Variants in UBN2 observed in about 807,000 individuals in gnomAD.
UBN2 encodes the protein ubinuclein-2.
UBN2 carries 35 observed loss-of-function variants against 120.2 expected under a neutral mutation model. That is an observed-to-expected ratio of 0.29 (90% CI 0.22 to 0.39). The LOEUF is 0.39. Ranked by LOEUF, UBN2 falls within the 10% of genes least tolerant of loss-of-function variation. UBN2 has a pLI of 1.00. For synonymous variants in UBN2, 661 were observed against 648.7 expected (o/e 1.02, Z -0.29); for missense variants, 1,693 against 1,663.2 (o/e 1.02, Z -0.31).
chr7:139,287,480 A>G (rs1422189290), intron 15 of UBN2, among the ~76,000 whole-genome samples: 1 of 151,982 alleles, frequency 6.6e-6, no homozygotes, highest in Admixed American at 6.6e-5. Context: ...GTTCCCAGAG[A>G]TCTTCCTGTA....
At position 139,301,208 on chromosome 7, in the gene UBN2, GT is replaced by G. The variant is rs1321125395; in HGVS notation, c.*3373del. ...CCGGGCACATATGTGTTGGAATACT[GT>G]GGGTTTGACACCTGGTTGAAAACAA... On this transcript the variant is annotated 3_prime_UTR_variant, in exon 18 of 18. Coordinates refer to ENST00000473989, the MANE Select transcript of UBN2 (RefSeq NM_173569.4). 6.6e-6 allele frequency: 1 copy of G among 152,134 alleles called. No individual in the cohort carries two copies. Among genetic ancestry groups the G allele is most frequent in the East Asian group, 1.9e-4 (1 of 5,196 alleles). 9.4% of individuals were successfully genotyped at this position (152,134 alleles called of 1,614,324 possible). A position where few individuals can be genotyped will look rare whatever the true frequency, so the allele number is the denominator to read the frequency against.
At chr7:139,250,093 A>G (rs906733698) in intron 2 of UBN2, among the ~76,000 whole-genome samples, 4 of 152,094 alleles carry the variant, frequency 2.6e-5, no homozygotes, top group Non-Finnish European at 4.4e-5. Context: ...TAGAAAATTT[A>G]AGATGGGTAC....
chr7:139,268,706 C>T (rs930777666), intron 7 of UBN2, among the ~76,000 whole-genome samples: 2 of 152,174 alleles, frequency 1.3e-5, no homozygotes, highest in African/African-American at 4.8e-5. Context: ...TGGCCTTGAC[C>T]TGCCGGGCAA....
chr7:139,231,917 A>G lies in UBN2; in HGVS notation c.433A>G (p.Ser145Gly). 4 of 1,586,786 alleles carry G rather than the reference A, an allele frequency of 2.5e-6. No homozygotes were observed. Among genetic ancestry groups the G allele is most frequent in the East Asian group, 2.4e-5 (1 of 42,252 alleles). The change falls in exon 1 of 18, where the codon AGT becomes GGT. Residue 145 changes from serine (S) to glycine (G), a missense_variant. By Grantham distance (56) the Ser-to-Gly change is moderately conservative. This residue lies in a region of UBN2 where 663 missense variants were observed against 591.2 expected (regional missense o/e 1.12). Transcript: ENST00000473989. ...DPTDESCVEF[S>G]YPELLLCGEQ... ...CACCGACGAGAGCTGCGTGGAGTTC[A>G]GTTACCCGGAGCTGCTGCTGTGCGG...
intron 3 of UBN2, among the ~76,000 whole-genome samples, chr7:139,255,509 T>G (rs1313526187): frequency 2.0e-5 from 3 of 152,234 alleles, no homozygotes; most frequent in African/African-American, 7.2e-5. Flanking sequence ...TACGAATTGC[T>G]TAGTCATACA....
chr7:139,327,043 T>G, the UBN2 span, among the ~76,000 whole-genome samples: 1 of 152,146 alleles, frequency 6.6e-6, no homozygotes, highest in Non-Finnish European at 1.5e-5. Context: ...TATTTGTTTA[T>G]TTTTTTTGAG....
the UBN2 span, among the ~76,000 whole-genome samples, chr7:139,323,190 A>G: frequency 1.3e-5 from 2 of 152,194 alleles, no homozygotes; most frequent in Non-Finnish European, 2.9e-5. Context: ...GCAGTGGTTC[A>G]TACCTGTAAT....
Position 139,271,262 on chromosome 7 carries a change from A to T in UBN2, c.1597-1060A>T, listed in dbSNP as rs1797266503. Among the ~76,000 whole-genome samples the T allele has an allele frequency of 2.0e-5, 3 of 152,198 alleles. No individual in the cohort carries two copies. The South Asian group carries it at 6.2e-4, about 31-fold the overall frequency. ...TGCTTATTTGTAATATTTGTGTTTT[A>T]AAAATCTTTTTCTTTACCAAAAATC... is the stretch of plus-strand genomic sequence containing the variant. On this transcript the variant is annotated intron_variant, in intron 8 of 17. Transcript: ENST00000473989.
chr7:139,289,540 T>C (rs1198447855), intron 15 of UBN2, among the ~76,000 whole-genome samples: 1 of 151,540 alleles, frequency 6.6e-6, no homozygotes, highest in African/African-American at 2.4e-5. Flanking sequence ...AGCCTCCAAG[T>C]ACCTGGGATT....
rs1452442112 is a variant in UBN2 at position 139,252,014 on chromosome 7, T to C, written c.620T>C (p.Phe207Ser). Residue 207 changes from phenylalanine (F) to serine (S), a missense_variant, in exon 3 of 18, where the codon TTT becomes TCT. Physicochemically the swap from Phe to Ser is radical, Grantham distance 155. Transcript: ENST00000473989. ...CTACAAGATTTAATTGATATAGGCT[T>C]TGGCTATGATGAGACAGATCCATTT... ...DRLQDLIDIG[F>S]GYDETDPFID... The C allele has an allele frequency of 1.2e-6, 2 of 1,614,160 alleles. No homozygotes were observed. Among genetic ancestry groups the C allele is most frequent in the South Asian group, 1.1e-5 (1 of 91,080 alleles).
rs1798275706 is a variant in UBN2 at position 139,302,202 on chromosome 7, T to G, written c.*4366T>G. The G allele has an allele frequency of 6.6e-6, 1 of 152,216 alleles. No individual in the cohort carries two copies. The highest frequency in any genetic ancestry group is 6.5e-5 in the Admixed American group (1 of 15,286). The allele number at this position is 152,216 out of a possible 1,614,324, so 9.4% of individuals were successfully genotyped here. A position where few individuals can be genotyped will look rare whatever the true frequency, so the allele number is the denominator to read the frequency against. On this transcript the variant is annotated 3_prime_UTR_variant, in exon 18 of 18. Coordinates refer to ENST00000473989, the MANE Select transcript of UBN2 (RefSeq NM_173569.4). ...TCTCACACTTGTCAACATCATGTCA[T>G]GCTGTGTAACCCTCTTCCTTTGCTT...
At chr7:139,327,277 C>G in the UBN2 span, among the ~76,000 whole-genome samples, 9 of 152,328 alleles carry the variant, frequency 5.9e-5, no homozygotes, top group Middle Eastern at 3.4e-3. Flanking sequence ...AGGTGATCTG[C>G]CAGCCTCAGC....
chr7:139,311,235 G>A (rs977262547), downstream of UBN2, among the ~76,000 whole-genome samples: 1 of 152,210 alleles, frequency 6.6e-6, no homozygotes, highest in African/African-American at 2.4e-5. Flanking sequence ...TCTCTTCTCA[G>A]GCAGGCATAC....
rs1387623199 is a variant in UBN2 at position 139,306,359 on chromosome 7, T to C, written c.*8523T>C. 6.6e-6 allele frequency: 1 copy of C among 152,244 alleles called. No individual in the cohort carries two copies. The highest frequency in any genetic ancestry group is 1.5e-5 in the Non-Finnish European group (1 of 68,044). 9.4% of individuals were successfully genotyped at this position (152,244 alleles called of 1,614,324 possible). A position where few individuals can be genotyped will look rare whatever the true frequency, so the allele number is the denominator to read the frequency against. ...CTCTGTCAGAAAATTGGGTTTTCTT[T>C]ACTATACCTGCAAAATTACCAAGGG... On this transcript the variant is annotated 3_prime_UTR_variant, in exon 18 of 18. Transcript: ENST00000473989.
intron 3 of UBN2, among the ~76,000 whole-genome samples, chr7:139,256,899 T>G (rs959811753): frequency 2.0e-5 from 3 of 152,218 alleles, no homozygotes; most frequent in Non-Finnish European, 4.4e-5. Flanking sequence ...ATTTTTCCAT[T>G]CTCCATATAA....
intron 9 of UBN2, 59 bp downstream of exon 9, chr7:139,272,499 T>C: frequency 4.9e-6 from 3 of 617,632 alleles, no homozygotes; most frequent in Non-Finnish European, 8.1e-6. Flanking sequence ...GTACGTTATG[T>C]ATGTATGTAT....
chr7:139,242,969 A>G (rs1796363670), intron 2 of UBN2, among the ~76,000 whole-genome samples: 1 of 152,214 alleles, frequency 6.6e-6, no homozygotes. Flanking sequence ...TCTCACTTAT[A>G]GGACTGGTGT....
At position 139,231,922 on chromosome 7, in the gene UBN2, C is replaced by T. The variant is rs749600943; in HGVS notation, c.438C>T (p.Tyr146=). Residue 146 remains tyrosine (Y), a synonymous_variant, in exon 1 of 18, where the codon TAC becomes TAT. Transcript: ENST00000473989. Reference sequence around the variant, plus strand: ...ACGAGAGCTGCGTGGAGTTCAGTTACCCGGAGCTGCTGCTGTGCGGAGAAC... The same window carrying T: ...ACGAGAGCTGCGTGGAGTTCAGTTATCCGGAGCTGCTGCTGTGCGGAGAAC... ...PTDESCVEFS[Y]PELLLCGEQR... is the part of the protein sequence containing the mutation. The T allele has an allele frequency of 2.5e-6, 4 of 1,586,252 alleles. No homozygotes were observed. The highest frequency in any genetic ancestry group is 2.6e-6 in the Non-Finnish European group (3 of 1,172,598).
At chr7:139,267,548 A>G (rs1356057007) in intron 7 of UBN2, among the ~76,000 whole-genome samples, 10 of 151,922 alleles carry the variant, frequency 6.6e-5, no homozygotes, top group East Asian at 1.9e-4. Flanking sequence ...AAAAAAAAAA[A>G]AGAGAGAAAG....
Sources: allele counts gnomAD v4.1 joint callset (sites outside exome capture counted in the v4.1 genomes callset), GRCh38; gene constraint gnomAD v4.1.1; regional missense constraint gnomAD v4.1.1; transcripts MANE v1.5; gene names NCBI Gene and HGNC (gene_info 2026-07-23, HGNC 2026-07-21).